Variants in CDH12 observed in about 807,000 individuals in gnomAD.
CDH12 encodes the protein cadherin-12.
In CDH12, 41 loss-of-function variants were observed where a neutral mutation model predicts 74.1. The ratio of observed to expected loss-of-function variants is 0.55; its 90% CI spans 0.43 to 0.72. The LOEUF (loss-of-function observed/expected upper bound fraction) is 0.72. CDH12 is among the 30% of genes least tolerant of loss of function. The pLI is 0.00. For missense variants in CDH12, 945 were observed against 977.2 expected (o/e 0.97, Z 0.44); for synonymous variants, 399 against 355.0 (o/e 1.12, Z -1.39).
At chr5:22,613,942 A>C (rs2126830127) in intron 1 of CDH12, among the ~76,000 whole-genome samples, 2 of 152,260 alleles carry the variant, frequency 1.3e-5, no homozygotes, top group South Asian at 4.1e-4. Flanking sequence ...CAAAATGAAT[A>C]TATTTCCTGC....
At chr5:21,892,759 A>G (rs183024307) in intron 6 of CDH12, among the ~76,000 whole-genome samples, 5 of 152,292 alleles carry the variant, frequency 3.3e-5, no homozygotes, top group African/African-American at 1.2e-4. Context: ...CTCCTTAAAA[A>G]AATCTGTGAT....
At chr5:22,025,695 G>A (rs1238963397) in intron 5 of CDH12, among the ~76,000 whole-genome samples, 1 of 152,086 alleles carries the variant, frequency 6.6e-6, no homozygotes, top group Non-Finnish European at 1.5e-5. Flanking sequence ...TCCACAGTAG[G>A]ACTCCTTTCA....
rs111245330 is a variant in CDH12, at chr5:22,496,386, C to A, written c.-428+8884G>T. Among the ~76,000 whole-genome samples the A allele has an allele frequency of 7.0e-3, 1,068 of 152,236 alleles. 13 individuals carry two copies. The highest frequency in any genetic ancestry group is 0.024 in the African/African-American group (997 of 41,538). Reference sequence around the variant, plus strand: ...ACATGTTCTAGGGAAAATGTTGCAACATAATGTAGATGGATTTTGATCTAT... The same window carrying A: ...ACATGTTCTAGGGAAAATGTTGCAAAATAATGTAGATGGATTTTGATCTAT... On this transcript the variant is annotated intron_variant, in intron 2 of 14. Transcript: ENST00000382254.
chr5:22,659,633 A>G (rs1014809656), intron 1 of CDH12, among the ~76,000 whole-genome samples: 23 of 152,070 alleles, frequency 1.5e-4, no homozygotes, highest in Non-Finnish European at 3.1e-4. Flanking sequence ...ATTTTCATCA[A>G]ATGCTAACAT....
chr5:22,080,492 G>A (rs369879121), intron 4 of CDH12, among the ~76,000 whole-genome samples: 14 of 152,096 alleles, frequency 9.2e-5, no homozygotes, highest in Admixed American at 5.2e-4. Flanking sequence ...TGACAAAACC[G>A]TAAGTTGTCT....
intron 1 of CDH12, among the ~76,000 whole-genome samples, chr5:22,705,077 T>A (rs1742920614): frequency 6.7e-6 from 1 of 148,274 alleles, no homozygotes; most frequent in African/African-American, 2.5e-5. Context: ...GTGGGGGGAG[T>A]GGAGTTACAT....
At chr5:22,851,982 T>A (rs867286918) in intron 1 of CDH12, among the ~76,000 whole-genome samples, 1 of 152,162 alleles carries the variant, frequency 6.6e-6, no homozygotes, top group Non-Finnish European at 1.5e-5. Flanking sequence ...AGCAAACTAA[T>A]ACCTGCTTGG....
chr5:22,749,717 G>C (rs755962877), intron 1 of CDH12, among the ~76,000 whole-genome samples: 25 of 152,166 alleles, frequency 1.6e-4, no homozygotes, highest in Non-Finnish European at 2.1e-4. Context: ...TGTGTTCAGA[G>C]AAGGCAAAAT....
At chr5:22,763,317 CA>C (rs1446154504) in intron 1 of CDH12, among the ~76,000 whole-genome samples, 3 of 151,978 alleles carry the variant, frequency 2.0e-5, no homozygotes, top group African/African-American at 4.8e-5. Context: ...GTTCAGATAA[CA>C]AAATTGATCA....
intron 2 of CDH12, among the ~76,000 whole-genome samples, chr5:22,437,840 C>T (rs1486456845): frequency 6.6e-6 from 1 of 151,912 alleles, no homozygotes; most frequent in Non-Finnish European, 1.5e-5. Context: ...GATAGATATA[C>T]CTCAGATACA....
chr5:22,565,872 C>CA, intron 1 of CDH12, among the ~76,000 whole-genome samples: 1 of 151,838 alleles, frequency 6.6e-6, no homozygotes, highest in South Asian at 2.1e-4. Context: ...TATCAGGACA[C>CA]AAAAAACAAC....
intron 1 of CDH12, among the ~76,000 whole-genome samples, chr5:22,826,592 CA>C (rs1736339725): frequency 6.6e-6 from 1 of 152,052 alleles, no homozygotes; most frequent in South Asian, 2.1e-4. Flanking sequence ...GGCTTTGACA[CA>C]AATGCTGATA....
intron 3 of CDH12, among the ~76,000 whole-genome samples, chr5:22,284,434 T>C (rs1236678571): frequency 6.6e-6 from 1 of 152,128 alleles, no homozygotes. Flanking sequence ...ATTTCTAAGA[T>C]CACATGCTTT....
chr5:22,178,526 C>T (rs1265839567), intron 4 of CDH12, among the ~76,000 whole-genome samples: 1 of 152,068 alleles, frequency 6.6e-6, no homozygotes, highest in Non-Finnish European at 1.5e-5. Flanking sequence ...GTGTCTTTTT[C>T]TGATTGTTTC....
chr5:22,242,167 T>G (rs1752774988), intron 3 of CDH12, among the ~76,000 whole-genome samples: 2 of 152,274 alleles, frequency 1.3e-5, no homozygotes, highest in South Asian at 4.1e-4. Flanking sequence ...ATATTTGCAC[T>G]AAATATTAAT....
At chr5:22,486,446 A>ATTT (rs5866568) in intron 2 of CDH12, among the ~76,000 whole-genome samples, 15 of 131,406 alleles carry the variant, frequency 1.1e-4, no homozygotes, top group Admixed American at 6.5e-4. Context: ...GTAACTAGTA[A>ATTT]TTTTTTTTTT....
At chr5:22,071,011 G>A (rs1004330565) in intron 5 of CDH12, among the ~76,000 whole-genome samples, 1 of 152,076 alleles carries the variant, frequency 6.6e-6, no homozygotes, top group Non-Finnish European at 1.5e-5. Flanking sequence ...AGGATAAATA[G>A]CTAATGCATG....
chr5:22,259,327 T>C (rs1352397738), intron 3 of CDH12, among the ~76,000 whole-genome samples: 2 of 151,976 alleles, frequency 1.3e-5, no homozygotes, highest in African/African-American at 4.8e-5. Context: ...CAGTAAAAAA[T>C]TGGGGATTTA....
chr5:22,600,959 T>A (rs1309842466), intron 1 of CDH12, among the ~76,000 whole-genome samples: 1 of 152,108 alleles, frequency 6.6e-6, no homozygotes. Context: ...ACACCTATGA[T>A]GTGGTTATTT....
Sources: gnomAD v4.1 joint callset for allele counts (sites outside exome capture counted in the v4.1 genomes callset) on GRCh38, gnomAD v4.1.1 for gene constraint, MANE v1.5 for transcripts, NCBI Gene and HGNC (gene_info 2026-07-23, HGNC 2026-07-21) for gene names.